The following HSD17B12 variants were observed in gnomAD, a reference collection of about 807,000 sequenced individuals.
HSD17B12 encodes hydroxysteroid 17-beta dehydrogenase 12.
Under a neutral mutation model 39.3 loss-of-function variants are expected in HSD17B12, and 32 were observed. The ratio of observed to expected loss-of-function variants is 0.81; its 90% CI spans 0.61 to 1.09. HSD17B12 has a LOEUF of 1.09. Ranked by LOEUF, HSD17B12 falls within the 50% of genes least tolerant of loss-of-function variation. The pLI is 0.00. For missense variants in HSD17B12, 342 were observed against 382.9 expected, an observed-to-expected ratio of 0.89 and a Z score of 0.89; for synonymous variants, 150 against 146.7, an observed-to-expected ratio of 1.02 and a Z score of -0.16.
intron 1 of HSD17B12, among the ~76,000 whole-genome samples, chr11:43,681,825 C>A (rs549745726): frequency 7.8e-6 from 1 of 128,058 alleles, no homozygotes; most frequent in East Asian, 2.2e-4. Context: ...AAGTTTTGCT[C>A]CCCCCCCCCT....
At chr11:43,766,286 TCTC>T (rs1232036251) in intron 3 of HSD17B12, among the ~76,000 whole-genome samples, 1 of 152,174 alleles carries the variant, frequency 6.6e-6, no homozygotes, top group African/African-American at 2.4e-5. Flanking sequence ...GAATTCCTCT[TCTC>T]CTCATAATGG....
chr11:43,597,215 T>C, the HSD17B12 span, among the ~76,000 whole-genome samples: 1 of 152,146 alleles, frequency 6.6e-6, no homozygotes, highest in Non-Finnish European at 1.5e-5. Flanking sequence ...GTCAGGAGCA[T>C]GTGAACCATG....
At chr11:43,633,872 C>T in the HSD17B12 span, among the ~76,000 whole-genome samples, 15 of 151,424 alleles carry the variant, frequency 9.9e-5, no homozygotes, top group Admixed American at 5.9e-4. Flanking sequence ...ATCAGGAGTT[C>T]GAGACCAGCC....
the HSD17B12 span, among the ~76,000 whole-genome samples, chr11:43,649,192 G>A: frequency 6.6e-6 from 1 of 151,680 alleles, no homozygotes; most frequent in Non-Finnish European, 1.5e-5. Context: ...TGTAGTAGAG[G>A]GTTAAAATGA....
chr11:43,753,922 AT>A, intron 2 of HSD17B12, 123 bp from the exon 3 acceptor site: 1 of 579,432 alleles, frequency 1.7e-6, no homozygotes. Context: ...TTATGTCTTC[AT>A]TACACTTGGG....
At chr11:43,823,759 A>T (rs1382647147) in intron 6 of HSD17B12, among the ~76,000 whole-genome samples, 2 of 152,128 alleles carry the variant, frequency 1.3e-5, no homozygotes, top group African/African-American at 4.8e-5. Context: ...TTTTTTAAAA[A>T]CAGAAAATTC....
chr11:43,844,168 C>T (rs572484107), intron 9 of HSD17B12, among the ~76,000 whole-genome samples: 3 of 152,232 alleles, frequency 2.0e-5, no homozygotes, highest in East Asian at 1.9e-4. Flanking sequence ...GGTCTACCTC[C>T]GTGTGAATGT....
chr11:43,616,962 ACT>A, the HSD17B12 span, among the ~76,000 whole-genome samples: 2 of 148,686 alleles, frequency 1.3e-5, no homozygotes, highest in African/African-American at 5.0e-5. Context: ...GCAGAACAAG[ACT>A]CTATCTCAAA....
intron 1 of HSD17B12, among the ~76,000 whole-genome samples, chr11:43,725,373 A>G (rs950002372): frequency 2.0e-5 from 3 of 152,254 alleles, no homozygotes; most frequent in African/African-American, 2.4e-5. Flanking sequence ...TAGTAAGCAC[A>G]TAATAAATGC....
At chr11:43,708,680 TCTGTGCCTAAAA>T (rs2134829273) in intron 1 of HSD17B12, among the ~76,000 whole-genome samples, 1 of 152,394 alleles carries the variant, frequency 6.6e-6, no homozygotes, top group South Asian at 2.1e-4. Flanking sequence ...TGTAGGTTAC[TCTGTGCCTAAAA>T]TGGATCATTT....
chr11:43,649,265 TTGTAA>T, the HSD17B12 span, among the ~76,000 whole-genome samples: 22 of 152,202 alleles, frequency 1.4e-4, no homozygotes, highest in South Asian at 3.9e-3. Flanking sequence ...GAATTTGAAT[TTGTAA>T]TGTAATGGAG....
the HSD17B12 span, among the ~76,000 whole-genome samples, chr11:43,630,725 T>C: frequency 6.6e-6 from 1 of 152,192 alleles, no homozygotes. Flanking sequence ...TGGTTGGATA[T>C]TTACTGCTTT....
intron 1 of HSD17B12, among the ~76,000 whole-genome samples, chr11:43,719,769 G>A (rs1950159595): frequency 6.6e-6 from 1 of 151,930 alleles, no homozygotes; most frequent in Admixed American, 6.6e-5. Context: ...TAAGAAATAG[G>A]TCATATTTGT....
At chr11:43,577,346 T>G in the HSD17B12 span, among the ~76,000 whole-genome samples, 1 of 150,310 alleles carries the variant, frequency 6.7e-6, no homozygotes. Context: ...GAAGGAGGGG[T>G]GAGTGGGAAG....
the HSD17B12 span, among the ~76,000 whole-genome samples, chr11:43,663,286 G>A: frequency 7.2e-5 from 11 of 152,244 alleles, no homozygotes; most frequent in African/African-American, 1.9e-4. Context: ...TTTTAGTAGC[G>A]ACAGGGTTTC....
chr11:43,810,174 G>A (rs1009284832), intron 4 of HSD17B12, among the ~76,000 whole-genome samples: 3 of 151,804 alleles, frequency 2.0e-5, no homozygotes, highest in South Asian at 2.1e-4. Flanking sequence ...CCTCTCTCAC[G>A]CCTAACCCAG....
At chr11:43,719,193 A>T in intron 1 of HSD17B12, 1 of 709,208 alleles carries the variant, frequency 1.4e-6, no homozygotes. Flanking sequence ...TCTTTTCACC[A>T]TATACATGCC....
chr11:43,671,481 C>G, the HSD17B12 span, among the ~76,000 whole-genome samples: 2 of 152,294 alleles, frequency 1.3e-5, no homozygotes, highest in African/African-American at 4.8e-5. Context: ...GCACCTGGCC[C>G]CTTTCACACG....
At position 43,757,661 on chromosome 11, in the gene HSD17B12, A is replaced by AAC. The variant is rs1565077141; in HGVS notation, c.283+3541_283+3542insCA. ...TCTCAAAAAAAAAAAAAAAAAAAAA[A>AAC]AAAAAACAAATAGGTAAAAAACAAA... On this transcript the variant is annotated intron_variant, in intron 3 of 10. Transcript: ENST00000278353. Among the ~76,000 whole-genome samples the AAC allele has an allele frequency of 6.9e-5, 10 of 143,912 alleles. 1 individual carries two copies. The highest frequency in any genetic ancestry group is 2.1e-4 in the African/African-American group (8 of 38,832). 94.4% of individuals were successfully genotyped at this position (143,912 alleles called of 152,430 possible).
Sources: allele counts gnomAD v4.1 joint callset (sites outside exome capture counted in the v4.1 genomes callset), GRCh38; gene constraint gnomAD v4.1.1; transcripts MANE v1.5; gene names NCBI Gene and HGNC (gene_info 2026-07-23, HGNC 2026-07-21).